Variants in MMRN1 observed in about 807,000 individuals in gnomAD.
MMRN1 encodes multimerin-1.
MMRN1 carries 94 observed loss-of-function variants against 100.7 expected under a neutral mutation model. The ratio of observed to expected loss-of-function variants is 0.93; its 90% CI spans 0.79 to 1.11. MMRN1 has a LOEUF of 1.11. Ranked by LOEUF, MMRN1 falls within the 50% of genes least tolerant of loss-of-function variation. MMRN1 has a pLI of 0.00. For missense variants in MMRN1, 1,606 were observed against 1,439.1 expected, an observed-to-expected ratio of 1.12 and a Z score of -1.88; for synonymous variants, 575 against 505.0, an observed-to-expected ratio of 1.14 and a Z score of -1.86.
chr4:89,912,595 A>G (rs959325361), intron 3 of MMRN1, among the ~76,000 whole-genome samples: 11 of 150,978 alleles, frequency 7.3e-5, no homozygotes, highest in Non-Finnish European at 1.6e-4. Context: ...AAGGCTGATC[A>G]AACACATGGT....
intron 3 of MMRN1, among the ~76,000 whole-genome samples, chr4:89,915,764 AT>A (rs1721892580): frequency 6.6e-6 from 1 of 151,666 alleles, no homozygotes; most frequent in African/African-American, 2.4e-5. Context: ...AACTTAAAAA[AT>A]ATATTGCATT....
At chr4:89,904,576 G>A (rs569571850) in intron 1 of MMRN1, among the ~76,000 whole-genome samples, 3 of 151,698 alleles carry the variant, frequency 2.0e-5, no homozygotes, top group South Asian at 4.2e-4. Flanking sequence ...ACTTAGCATA[G>A]TATTTTCAAG....
chr4:89,902,716 C>A (rs1578469847), intron 1 of MMRN1, among the ~76,000 whole-genome samples: 1 of 151,982 alleles, frequency 6.6e-6, no homozygotes, highest in East Asian at 1.9e-4. Flanking sequence ...ATTTTAATTG[C>A]AAAAGTTGGT....
rs192724306 is a variant in MMRN1, at chr4:89,882,275, A to G, written c.-249+2673A>G. Among the ~76,000 whole-genome samples, 387 of 151,198 alleles carry G rather than the reference A, an allele frequency of 2.6e-3. 1 individual carries two copies. The highest frequency in any genetic ancestry group is 6.3e-3 in the Admixed American group (96 of 15,140). On this transcript the variant is annotated intron_variant, in intron 1 of 8. Coordinates refer to the MMRN1 transcript ENST00000394980. ...ATGTTCCTAATATTGAAACATTTCTATCAATATTATTTTGTATAACAGTAT... is the reference window on the plus strand; with the variant it reads ...ATGTTCCTAATATTGAAACATTTCTGTCAATATTATTTTGTATAACAGTAT...
chr4:89,880,741 T>C (rs939815279), intron 1 of MMRN1, among the ~76,000 whole-genome samples: 1 of 152,154 alleles, frequency 6.6e-6, no homozygotes, highest in East Asian at 1.9e-4. Flanking sequence ...GGAACAGTCC[T>C]AGGCAGTGAC....
At position 89,936,146 on chromosome 4, in the gene MMRN1, G is replaced by C. The variant is rs747098998; in HGVS notation, c.2466G>C (p.Lys822Asn). ...DEKLNQSNFQ[K>N]MYQMFNETTS... Reference sequence around the variant, plus strand: ...AACTAAATCAGTCCAACTTCCAAAAGATGTATCAAATGTTCAATGAAACCA... The same window carrying C: ...AACTAAATCAGTCCAACTTCCAAAACATGTATCAAATGTTCAATGAAACCA... Residue 822 changes from lysine to asparagine, a missense_variant, in exon 6 of 8, where the codon AAG (lysine) becomes AAC (asparagine). By Grantham distance (94) the Lys-to-Asn change is moderately conservative. Transcript: ENST00000264790. 115 of 1,612,406 alleles carry C rather than the reference G, an allele frequency of 7.1e-5. No homozygotes were observed. Among genetic ancestry groups the C allele is most frequent in the Non-Finnish European group, 9.6e-5 (113 of 1,179,534 alleles).
At position 89,934,902 on chromosome 4, in the gene MMRN1, C is replaced by A. The variant is rs778442968; in HGVS notation, c.1222C>A (p.Gln408Lys). 1 of 1,611,350 alleles carries A rather than the reference C, an allele frequency of 6.2e-7. No homozygotes were observed. Among genetic ancestry groups the A allele is most frequent in the African/African-American group, 1.3e-5 (1 of 74,834 alleles). Residue 408 changes from glutamine to lysine, a missense_variant, in exon 6 of 8, where the codon CAG becomes AAG. Gln to Lys is a moderately conservative substitution (Grantham distance 53). Coordinates refer to ENST00000264790, the MANE Select transcript of MMRN1 (RefSeq NM_007351.3). Reference protein sequence around the residue: ...FQNDMQETVAQLFKTVSSLSE... With the variant: ...FQNDMQETVAKLFKTVSSLSE... The stretch of plus-strand genomic sequence containing the variant: ...AAATGACATGCAAGAGACTGTAGCA[C>A]AGCTCTTCAAGACTGTATCAAGTCT...
chr4:89,911,192 C>A (rs2110597836), intron 2 of MMRN1, among the ~76,000 whole-genome samples: 1 of 151,520 alleles, frequency 6.6e-6, no homozygotes, highest in Non-Finnish European at 1.5e-5. Context: ...ATGGGTAAGA[C>A]TAATATGGCC....
chr4:89,953,072 C>T lies in MMRN1; in HGVS notation c.3341C>T (p.Pro1114Leu). 1 of 1,613,746 alleles carries T rather than the reference C, an allele frequency of 6.2e-7. No individual in the cohort carries two copies. Among genetic ancestry groups the T allele is most frequent in the South Asian group, 1.1e-5 (1 of 91,056 alleles). ...TCTCATACGTATGGAATGACTATAC[C>T]TGGTCCTATCCTGTTTAATAACTTG... is the stretch of plus-strand genomic sequence containing the variant. ...FASHTYGMTI[P>L]GPILFNNLDV... The change falls in exon 8 of 8, where the codon CCT becomes CTT. Residue 1114 changes from proline to leucine, a missense_variant. Transcript: ENST00000264790.
chr4:89,910,329 T>TA (rs1721708874), intron 2 of MMRN1, among the ~76,000 whole-genome samples: 1 of 151,456 alleles, frequency 6.6e-6, no homozygotes, highest in Admixed American at 6.6e-5. Flanking sequence ...TCTTTAGTAA[T>TA]AAAAAATTTA....
chr4:89,907,284 T>G (rs1313545357), intron 1 of MMRN1, among the ~76,000 whole-genome samples: 2 of 151,718 alleles, frequency 1.3e-5, no homozygotes, highest in East Asian at 3.9e-4. Context: ...TTCTTACTTC[T>G]TTAAGGGGCC....
intron 5 of MMRN1, among the ~76,000 whole-genome samples, chr4:89,929,419 A>G (rs77063758): frequency 0.02 from 3,106 of 152,250 alleles, 96 homozygotes; most frequent in African/African-American, 0.069. Flanking sequence ...ACCCTGTCCT[A>G]CATATCTGGT....
chr4:89,941,352 C>G (rs569643581), intron 6 of MMRN1, among the ~76,000 whole-genome samples: 1 of 152,286 alleles, frequency 6.6e-6, no homozygotes, highest in African/African-American at 2.4e-5. Flanking sequence ...GAAAAAGATA[C>G]AAGCAGAGTC....
chr4:89,930,457 T>C (rs549666621), intron 5 of MMRN1, among the ~76,000 whole-genome samples: 2 of 152,226 alleles, frequency 1.3e-5, no homozygotes, highest in East Asian at 3.9e-4. Flanking sequence ...CTTTTAGGCA[T>C]GTAGTTTTTT....
chr4:89,908,156 C>T (rs1721629914), intron 1 of MMRN1, among the ~76,000 whole-genome samples: 1 of 151,216 alleles, frequency 6.6e-6, no homozygotes, highest in Admixed American at 6.6e-5. Context: ...TTCTGTGATG[C>T]AGTTTGAAAA....
At position 89,936,206 on chromosome 4, in the gene MMRN1, T is replaced by A. The variant is rs548245722; in HGVS notation, c.2526T>A (p.Ser842Arg). ...SQVRKYQQNM[S>R]HLEEKLLLTT... Reference sequence around the variant, plus strand: ...TGAGAAAATACCAGCAAAATATGAGTCATTTGGAAGAAAAACTACTCTTAA... The same window carrying A: ...TGAGAAAATACCAGCAAAATATGAGACATTTGGAAGAAAAACTACTCTTAA... The change falls in exon 6 of 8, where the codon AGT (serine) becomes AGA (arginine). Residue 842 changes from serine (S) to arginine (R), a missense_variant. By Grantham distance (110) the Ser-to-Arg change is moderately radical (BLOSUM62 -1). Transcript: ENST00000264790. 8 of 1,605,188 alleles carry A rather than the reference T, an allele frequency of 5.0e-6. No individual in the cohort carries two copies. In the Admixed American group the frequency reaches 1.4e-4, roughly 28 times the overall value.
chr4:89,941,025 C>T (rs1039276152), intron 6 of MMRN1, among the ~76,000 whole-genome samples: 4 of 152,072 alleles, frequency 2.6e-5, no homozygotes, highest in African/African-American at 9.7e-5. Flanking sequence ...CATTGATAAG[C>T]ACTGAAAATA....
chr4:89,884,959 A>G (rs373437718), intron 1 of MMRN1, among the ~76,000 whole-genome samples: 7 of 152,218 alleles, frequency 4.6e-5, no homozygotes, highest in South Asian at 2.1e-4. Context: ...TATATTGGGG[A>G]AAAAGCATTC....
chr4:89,884,580 T>C (rs183930355), intron 1 of MMRN1, among the ~76,000 whole-genome samples: 148 of 152,244 alleles, frequency 9.7e-4, no homozygotes, highest in Middle Eastern at 3.4e-3. Flanking sequence ...ATTATTTTTC[T>C]TTTTCTTTTC....
Sources: allele counts gnomAD v4.1 joint callset (sites outside exome capture counted in the v4.1 genomes callset), GRCh38; gene constraint gnomAD v4.1.1; transcripts MANE v1.5; gene names NCBI Gene and HGNC (gene_info 2026-07-23, HGNC 2026-07-21).